MYOF: variants seen among roughly 807,000 people sequenced by gnomAD.
MYOF encodes the protein myoferlin.
A neutral mutation model predicts 284.2 loss-of-function variants in MYOF; 244 were observed. The ratio of observed to expected loss-of-function variants is 0.86; its 90% CI spans 0.77 to 0.95. The LOEUF is 0.95. MYOF is among the 40% of genes least tolerant of loss of function. MYOF has a pLI of 0.00. For synonymous variants in MYOF, 904 were observed against 919.7 expected (o/e 0.98, Z 0.31); for missense variants, 2,496 against 2,560.6 (o/e 0.97, Z 0.54).
intron 5 of MYOF, among the ~76,000 whole-genome samples, chr10:93,411,820 G>A (rs1230497909): frequency 6.6e-6 from 1 of 152,126 alleles, no homozygotes; most frequent in African/African-American, 2.4e-5. Flanking sequence ...GCCCTTTTCT[G>A]TATCTCCATA....
chr10:93,391,264 T>C (rs954404956), intron 17 of MYOF, among the ~76,000 whole-genome samples: 11 of 152,354 alleles, frequency 7.2e-5, no homozygotes, highest in African/African-American at 2.6e-4. Context: ...TCTCCTTCTA[T>C]GTGCTCACAT....
At chr10:93,475,274 G>T (rs2057234660) in intron 1 of MYOF, among the ~76,000 whole-genome samples, 1 of 152,234 alleles carries the variant, frequency 6.6e-6, no homozygotes, top group South Asian at 2.1e-4. Context: ...CTGTTCAATA[G>T]AAATTACACA....
At chr10:93,335,364 G>A (rs1843547048) in intron 41 of MYOF, among the ~76,000 whole-genome samples, 1 of 152,146 alleles carries the variant, frequency 6.6e-6, no homozygotes, top group Non-Finnish European at 1.5e-5. Flanking sequence ...TTTGAAAGGA[G>A]TTGCGACTTG....
chr10:93,465,524 CT>C (rs138581408), intron 1 of MYOF, among the ~76,000 whole-genome samples: 1 of 100,102 alleles, frequency 1.0e-5, no homozygotes, highest in Non-Finnish European at 2.0e-5. Context: ...TTTTTTCTTT[CT>C]TTTTTTTCTT....
chr10:93,461,811 G>A (rs908193847), intron 1 of MYOF, among the ~76,000 whole-genome samples: 1 of 152,132 alleles, frequency 6.6e-6, no homozygotes, highest in Non-Finnish European at 1.5e-5. Flanking sequence ...AAGGAGGAGG[G>A]TATTAGAAAC....
At chr10:93,440,019 T>G (rs2056194573) in intron 3 of MYOF, among the ~76,000 whole-genome samples, 1 of 152,224 alleles carries the variant, frequency 6.6e-6, no homozygotes. Flanking sequence ...ATTTTTCTTT[T>G]CAGAGTTAGA....
At chr10:93,311,542 T>C (rs377486097) in intron 51 of MYOF, among the ~76,000 whole-genome samples, 1 of 147,352 alleles carries the variant, frequency 6.8e-6, no homozygotes, top group Non-Finnish European at 1.5e-5. Context: ...TAAGCAGAGA[T>C]CGCACCACTG....
intron 38 of MYOF, chr10:93,341,963 T>C (rs1214185666): frequency 3.1e-6 from 4 of 1,289,680 alleles, no homozygotes; most frequent in Admixed American, 4.6e-5. Flanking sequence ...GACATACTGC[T>C]TAAGCACTGG....
chr10:93,384,542 G>A (rs1417338862), intron 19 of MYOF, among the ~76,000 whole-genome samples: 1 of 152,072 alleles, frequency 6.6e-6, no homozygotes, highest in Non-Finnish European at 1.5e-5. Flanking sequence ...TACTCAGGAG[G>A]CTGAGGCAAG....
chr10:93,463,770 G>A (rs191328986), intron 1 of MYOF, among the ~76,000 whole-genome samples: 202 of 151,510 alleles, frequency 1.3e-3, no homozygotes, highest in Non-Finnish European at 2.0e-3. Flanking sequence ...TACTCAGGAG[G>A]CTGAGGTGGG....
intron 2 of MYOF, among the ~76,000 whole-genome samples, chr10:93,455,628 G>A (rs573918059): frequency 6.6e-5 from 10 of 152,196 alleles, no homozygotes; most frequent in South Asian, 2.1e-4. Context: ...TCACGCCACC[G>A]CACTCCAACC....
At chr10:93,459,212 A>C (rs2056818700) in intron 1 of MYOF, among the ~76,000 whole-genome samples, 1 of 151,784 alleles carries the variant, frequency 6.6e-6, no homozygotes. Flanking sequence ...TTCCATTTTG[A>C]CCCCACCCTT....
In MYOF at chr10:93,410,153, A is replaced by G. The variant is rs145972478; in HGVS notation, c.434-414T>C. ...CCCTCCCACTGCAGATCTTCTCTCT[A>G]GAGATCTGCTCGTGATCTATTTGTA... On this transcript the variant is annotated intron_variant, in intron 5 of 53. Transcript: ENST00000359263. Among the ~76,000 whole-genome samples, 329 of 152,222 alleles carry G rather than the reference A, an allele frequency of 2.2e-3. 2 individuals are homozygous for G. Among genetic ancestry groups the G allele is most frequent in the African/African-American group, 7.4e-3 (309 of 41,536 alleles).
intron 2 of MYOF, 54 bp downstream of exon 2, chr10:93,456,828 A>G (rs972826334): frequency 1.4e-5 from 18 of 1,324,300 alleles, no homozygotes; most frequent in Non-Finnish European, 1.8e-5. Flanking sequence ...CAAAGATAGG[A>G]CAATCAGAAA....
intron 49 of MYOF, 52 bp from the exon 50 acceptor site, chr10:93,316,865 C>T: frequency 6.9e-7 from 1 of 1,456,078 alleles, no homozygotes; most frequent in Non-Finnish European, 9.6e-7. Flanking sequence ...TCACCTTTGG[C>T]TCCTTAAGAC....
chr10:93,450,115 C>A (rs777106249), intron 3 of MYOF, among the ~76,000 whole-genome samples: 2 of 151,946 alleles, frequency 1.3e-5, no homozygotes, highest in African/African-American at 4.8e-5. Flanking sequence ...AAAAATAGGC[C>A]GGGTGCAGTA....
intron 1 of MYOF, among the ~76,000 whole-genome samples, chr10:93,462,125 G>C (rs7902322): frequency 0.91 from 136,925 of 151,062 alleles, 62,263 homozygotes; most frequent in East Asian, 1. Context: ...GAGTCTCACT[G>C]TGTTGCCCAG....
intron 1 of MYOF, among the ~76,000 whole-genome samples, chr10:93,481,295 G>A (rs1589632271): frequency 1.3e-5 from 2 of 152,086 alleles, no homozygotes; most frequent in East Asian, 3.9e-4. Context: ...CAAACTCCTG[G>A]GCTCAAGCAA....
rs372340390 is a variant in MYOF, at chr10:93,310,080, G to A, written c.6087C>T (p.Ile2029=). ...IVWRRFKWVI[I]GLLFLLILLL... is the part of the protein sequence containing the mutation. ...GCAGGATAAGCAGGAACAGCAAGCC[G>A]ATGATGACCCACTTAAAGCGGCGCC... is the stretch of plus-strand genomic sequence containing the variant. Residue 2029 remains isoleucine, a synonymous_variant, in exon 53 of 54, where the codon ATC becomes ATT. Transcript: ENST00000359263. 109 of 1,614,006 alleles carry A rather than the reference G, an allele frequency of 6.8e-5. No homozygotes were observed. The highest frequency in any genetic ancestry group is 9.3e-5 in the African/African-American group (7 of 74,910).
Sources: gnomAD v4.1 joint callset for allele counts (sites outside exome capture counted in the v4.1 genomes callset) on GRCh38, gnomAD v4.1.1 for gene constraint, MANE v1.5 for transcripts, NCBI Gene and HGNC (gene_info 2026-07-23, HGNC 2026-07-21) for gene names.